Variants in DNAH7 observed in about 807,000 individuals in gnomAD.
DNAH7 encodes the protein axonemal beta dynein heavy chain 7.
A neutral mutation model predicts 444.6 loss-of-function variants in DNAH7; 397 were observed. The ratio of observed to expected loss-of-function variants is 0.89; its 90% CI spans 0.82 to 0.97. The LOEUF is 0.97. DNAH7 is among the 50% of genes least tolerant of loss of function. The pLI, the probability that DNAH7 is intolerant of heterozygous loss-of-function variation, is 0.00. For missense variants in DNAH7, 4,902 were observed against 4,800.8 expected (o/e 1.02, Z -0.62); for synonymous variants, 1,636 against 1,624.4 (o/e 1.01, Z -0.17).
chr2:195,910,634 G>T (rs1449237099), intron 24 of DNAH7, among the ~76,000 whole-genome samples: 3 of 152,116 alleles, frequency 2.0e-5, no homozygotes, highest in Non-Finnish European at 4.4e-5. Flanking sequence ...ATTGTTTCGG[G>T]ATCAGTATAT....
intron 10 of DNAH7, among the ~76,000 whole-genome samples, chr2:196,004,782 T>TCA (rs58787682): frequency 0.1 from 14,554 of 146,142 alleles, 778 homozygotes; most frequent in Middle Eastern, 0.16. Flanking sequence ...AGGGTCTGTC[T>TCA]CACACACACA....
rs539793821 is a variant in DNAH7 at position 195,870,343 on chromosome 2, G to C, written c.6633+1907C>G. Among the ~76,000 whole-genome samples, 220 of 152,222 alleles carry C rather than the reference G, an allele frequency of 1.4e-3. 5 individuals carry two copies. The highest frequency in any genetic ancestry group is 5.1e-3 in the African/African-American group (210 of 41,526). On this transcript the variant is annotated intron_variant, in intron 40 of 64. Transcript: ENST00000312428. ...TCAAGGGGGGTAGGGATGGCCCAAA[G>C]CAAGCTTGCATGAAAAGGGGGTATT...
chr2:195,792,394 T>TACACACACACACAC (rs59046004), intron 57 of DNAH7, among the ~76,000 whole-genome samples: 24 of 117,330 alleles, frequency 2.0e-4, no homozygotes, highest in African/African-American at 5.8e-4. Flanking sequence ...AACCAAAAAA[T>TACACACACACACAC]ACACACACAC....
At chr2:195,969,924 T>C in intron 17 of DNAH7, 24 bp downstream of exon 17, 2 of 1,592,720 alleles carry the variant, frequency 1.3e-6, no homozygotes, top group Middle Eastern at 1.7e-4. Flanking sequence ...CTAATTCATC[T>C]TTTTAAGAAT....
chr2:195,816,380 C>T (rs754102191), intron 51 of DNAH7, among the ~76,000 whole-genome samples: 39 of 152,106 alleles, frequency 2.6e-4, no homozygotes, highest in Middle Eastern at 3.2e-3. Flanking sequence ...ATAAGGTAAA[C>T]GTTTTCTCTT....
chr2:195,816,528 G>A, intron 51 of DNAH7, 100 bp downstream of exon 51: 2 of 844,674 alleles, frequency 2.4e-6, no homozygotes, highest in South Asian at 3.7e-5. Context: ...GTAAGTGGCT[G>A]TAATGCTTGT....
chr2:195,810,556 C>G (rs1327496094), intron 51 of DNAH7, among the ~76,000 whole-genome samples: 1 of 151,936 alleles, frequency 6.6e-6, no homozygotes, highest in East Asian at 1.9e-4. Context: ...GGACTACGGG[C>G]GTGCACCACC....
intron 15 of DNAH7, among the ~76,000 whole-genome samples, chr2:195,974,455 G>A (rs1329016925): frequency 1.3e-5 from 2 of 152,012 alleles, no homozygotes; most frequent in East Asian, 1.9e-4. Flanking sequence ...TGAAATATCA[G>A]GCAATGAATC....
chr2:196,012,944 C>CT, intron 9 of DNAH7, 38 bp from the exon 10 acceptor site: 1 of 1,373,358 alleles, frequency 7.3e-7, no homozygotes, highest in Non-Finnish European at 9.6e-7. Context: ...TTAACAATGA[C>CT]TTTTTTGGTA....
chr2:195,922,250 A>G lies in DNAH7; in HGVS notation c.3826-53T>C, dbSNP rs902212432. On this transcript the variant is annotated intron_variant, in intron 23 of 64. Coordinates refer to ENST00000312428, the MANE Select transcript of DNAH7 (RefSeq NM_018897.3). ...AAACAATAAAATTGTAAATAATATG[A>G]AATCTCAAGCTCTTTAATAAGTAAT... The G allele has an allele frequency of 1.2e-5, 13 of 1,079,422 alleles. No individual in the cohort carries two copies. The African/African-American group carries it at 1.9e-4, about 16-fold the overall frequency. The allele number at this position is 1,079,422 out of a possible 1,614,324, so 66.9% of individuals were successfully genotyped here.
intron 23 of DNAH7, among the ~76,000 whole-genome samples, chr2:195,922,862 GA>G (rs1317833417): frequency 6.7e-6 from 1 of 148,768 alleles, no homozygotes; most frequent in Non-Finnish European, 1.5e-5. Context: ...TCAATTAGAG[GA>G]ATTTTTTTTT....
chr2:195,747,309 A>T, intron 63 of DNAH7, among the ~76,000 whole-genome samples: 1 of 152,242 alleles, frequency 6.6e-6, no homozygotes, highest in Non-Finnish European at 1.5e-5. Context: ...GAAGAAGTTG[A>T]ATCTCTGAAT....
intron 57 of DNAH7, among the ~76,000 whole-genome samples, chr2:195,788,924 T>G (rs1695748259): frequency 6.6e-6 from 1 of 152,242 alleles, no homozygotes; most frequent in Admixed American, 6.5e-5. Context: ...TGTGTGTACA[T>G]GTATATACTT....
At position 195,976,622 on chromosome 2, in the gene DNAH7, C is replaced by T. The variant is rs567597494; in HGVS notation, c.1834-4156G>A. Among the ~76,000 whole-genome samples, 141 of 152,200 alleles carry T rather than the reference C, an allele frequency of 9.3e-4. 7 individuals carry two copies. Among genetic ancestry groups the T allele is most frequent in the Admixed American group, 8.5e-4 (13 of 15,288 alleles). ...GGTTACCATGGGCCTTAAATGAGAACCAGTGTTGCACTGGCTTCAGTTCTG... is the reference window on the plus strand; with the variant it reads ...GGTTACCATGGGCCTTAAATGAGAATCAGTGTTGCACTGGCTTCAGTTCTG... On this transcript the variant is annotated intron_variant, in intron 15 of 64. Coordinates refer to ENST00000312428, the MANE Select transcript of DNAH7 (RefSeq NM_018897.3).
At chr2:195,782,002 CACACACACACACACAG>C (rs1387280718) in intron 58 of DNAH7, among the ~76,000 whole-genome samples, 3 of 150,764 alleles carry the variant, frequency 2.0e-5, no homozygotes, top group African/African-American at 7.4e-5. Context: ...CACACACACA[CACACACACACACACAG>C]ACACACCCCT....
chr2:195,895,305 C>A, intron 29 of DNAH7, 81 bp from the exon 30 acceptor site: 1 of 901,732 alleles, frequency 1.1e-6, no homozygotes, highest in Non-Finnish European at 1.6e-6. Context: ...GAAATAGGGC[C>A]ATTAGATAAT....
chr2:195,778,534 G>C (rs983023877), intron 58 of DNAH7, among the ~76,000 whole-genome samples: 2 of 147,984 alleles, frequency 1.4e-5, no homozygotes, highest in African/African-American at 5.0e-5. Flanking sequence ...CTAGGGAAAG[G>C]GCTGAGGTAG....
chr2:195,841,566 A>G (rs1698686379), intron 47 of DNAH7, among the ~76,000 whole-genome samples: 1 of 152,012 alleles, frequency 6.6e-6, no homozygotes, highest in Non-Finnish European at 1.5e-5. Flanking sequence ...GGAAAGCTGT[A>G]TGCAACAAAC....
chr2:195,884,918 T>C (rs1222288178), intron 34 of DNAH7, 109 bp from the exon 35 acceptor site: 12 of 826,638 alleles, frequency 1.5e-5, no homozygotes, highest in Non-Finnish European at 2.2e-5. Flanking sequence ...AGGAAACACG[T>C]AAGCTCAAAT....
Sources: gnomAD v4.1 joint callset for allele counts (sites outside exome capture counted in the v4.1 genomes callset) on GRCh38, gnomAD v4.1.1 for gene constraint, MANE v1.5 for transcripts, NCBI Gene and HGNC (gene_info 2026-07-23, HGNC 2026-07-21) for gene names.